Variants in DGKD observed in about 807,000 individuals in gnomAD.
The protein encoded by DGKD is diacylglycerol kinase delta, also known as DAG kinase delta.
A neutral mutation model predicts 154.4 loss-of-function variants in DGKD; 68 were observed. That is an observed-to-expected ratio of 0.44 (90% CI 0.36 to 0.54). The LOEUF is 0.54. Among genes scored for constraint, DGKD ranks in the 20% least tolerant of loss-of-function variants. The probability of loss-of-function intolerance (pLI) is 0.00; values close to 1 mark genes in which losing one functional copy is unlikely to be tolerated. For synonymous variants in DGKD, 693 were observed against 638.0 expected (o/e 1.09, Z -1.30); for missense variants, 1,343 against 1,593.6 (o/e 0.84, Z 2.68).
chr2:233,383,799 C>T (rs907302156), intron 1 of DGKD, among the ~76,000 whole-genome samples: 1 of 152,158 alleles, frequency 6.6e-6, no homozygotes, highest in Non-Finnish European at 1.5e-5. Flanking sequence ...CCAAATTCCG[C>T]TTCTCTTAAT....
intron 17 of DGKD, 133 bp from the exon 18 acceptor site, chr2:233,451,831 A>G: frequency 2.7e-6 from 2 of 751,876 alleles, no homozygotes; most frequent in Non-Finnish European, 4.3e-6. Context: ...GGACATGGTT[A>G]TACATAATTT....
chr2:233,392,394 T>A (rs1703683055), intron 3 of DGKD: 1 of 152,240 alleles, frequency 6.6e-6, no homozygotes, highest in Non-Finnish European at 1.5e-5. Flanking sequence ...AAATTATTCT[T>A]GGTAATGTTG....
chr2:233,381,971 C>T (rs183624678), intron 1 of DGKD, among the ~76,000 whole-genome samples: 17 of 152,326 alleles, frequency 1.1e-4, no homozygotes, highest in Non-Finnish European at 2.2e-4. Context: ...CGGTGGCTCA[C>T]GCCTGTGATC....
chr2:233,449,853 A>G lies in DGKD; in HGVS notation c.1889-129A>G. On this transcript the variant is annotated intron_variant, in intron 15 of 29. Coordinates refer to ENST00000264057, the MANE Select transcript of DGKD (RefSeq NM_152879.3). This position sits in a 1 kb window ranked among gnomAD's most constrained non-coding sequence, Gnocchi z 5.3. The stretch of plus-strand genomic sequence containing the variant: ...GGGTGGGGGTGGGGTTTCGGAGTCC[A>G]AGCCTTTAGCCAGAGGTTGTTTGAG... 2 of 1,195,302 alleles carry G rather than the reference A, an allele frequency of 1.7e-6. No homozygotes were observed. The highest frequency in any genetic ancestry group is 3.1e-5 in the Admixed American group (1 of 32,398). 74.0% of individuals were successfully genotyped at this position (1,195,302 alleles called of 1,614,324 possible).
At chr2:233,466,126 A>G (rs978303302) in intron 27 of DGKD, among the ~76,000 whole-genome samples, 1 of 151,914 alleles carries the variant, frequency 6.6e-6, no homozygotes, top group Non-Finnish European at 1.5e-5. Context: ...ACTGTGCTCC[A>G]AGCAATGGTC....
rs1374116045 is a variant in DGKD at position 233,460,248 on chromosome 2, C to T, written c.2884C>T (p.Arg962Cys). 2.9e-5 allele frequency: 47 copies of T among 1,613,840 alleles called. 1 individual carries two copies. The highest frequency in any genetic ancestry group is 5.3e-5 in the African/African-American group (4 of 74,858). ...AGACAAGCAGAAGTGCGAGCTGCCC[C>T]GCCCTCCATCCTGTTCCCTGCACCC... ...WEDKQKCELPRPPSCSLHPEM... is the reference protein window; with the variant it reads ...WEDKQKCELPCPPSCSLHPEM... Residue 962 changes from arginine (R) to cysteine (C), a missense_variant, in exon 24 of 30, where the codon CGC (arginine) becomes TGC (cysteine). Arg to Cys is a radical substitution (Grantham distance 180, BLOSUM62 -3). Coordinates refer to ENST00000264057, the MANE Select transcript of DGKD (RefSeq NM_152879.3).
Position 233,469,485 on chromosome 2 carries a change from T to C in DGKD, c.*25T>C. ...GCCTCTGTCCTCTCAGCCTGTGGCC[T>C]CCACATCCCCGCCGCCGAGGCCTAG... On this transcript the variant is annotated 3_prime_UTR_variant, in exon 30 of 30. Coordinates refer to ENST00000264057, the MANE Select transcript of DGKD (RefSeq NM_152879.3). The C allele has an allele frequency of 6.4e-7, 1 of 1,569,982 alleles. No homozygotes were observed. Among genetic ancestry groups the C allele is most frequent in the Non-Finnish European group, 8.6e-7 (1 of 1,156,780 alleles).
At chr2:233,466,413 T>G (rs1044843219) in intron 27 of DGKD, among the ~76,000 whole-genome samples, 9 of 152,282 alleles carry the variant, frequency 5.9e-5, no homozygotes, top group African/African-American at 2.2e-4. Flanking sequence ...CTTTAGTAAT[T>G]CTTTTTATCT....
chr2:233,354,808 C>T lies in DGKD; in HGVS notation c.156+134C>T. 5.5e-6 allele frequency: 2 copies of T among 360,870 alleles called. No individual in the cohort carries two copies. Among genetic ancestry groups the T allele is most frequent in the Non-Finnish European group, 7.6e-6 (2 of 262,080 alleles). 22.4% of individuals were successfully genotyped at this position (360,870 alleles called of 1,614,324 possible). A position where few individuals can be genotyped will look rare whatever the true frequency, so the allele number is the denominator to read the frequency against. ...CCGGGGTCCCGCGGGCGTCACCGCC[C>T]CTGTCGAGCGTGCCCCGCCGCTGTA... On this transcript the variant is annotated intron_variant, in intron 1 of 29. Coordinates refer to ENST00000264057, the MANE Select transcript of DGKD (RefSeq NM_152879.3). The surrounding 1 kb of genome is among the most constrained non-coding windows in gnomAD (Gnocchi z 4.8).
intron 18 of DGKD, chr2:233,454,409 T>C (rs1422046633): frequency 6.3e-6 from 3 of 475,150 alleles, no homozygotes; most frequent in Non-Finnish European, 1.3e-5. Flanking sequence ...TCCTGTGAAC[T>C]GCCTAGAAGA....
At chr2:233,374,860 T>A (rs1291686574) in intron 1 of DGKD, among the ~76,000 whole-genome samples, 1 of 149,646 alleles carries the variant, frequency 6.7e-6, no homozygotes, top group South Asian at 2.1e-4. Context: ...AGGGATACTT[T>A]ACTATGCTAT....
At chr2:233,415,337 G>A (rs2061934565) in intron 3 of DGKD, among the ~76,000 whole-genome samples, 1 of 152,234 alleles carries the variant, frequency 6.6e-6, no homozygotes, top group Non-Finnish European at 1.5e-5. Flanking sequence ...TGAGATGCCT[G>A]CAGCAAGTGC....
chr2:233,396,929 GGGGGGGCCAGAGCGAGAGGACAC>G (rs1704088240), intron 3 of DGKD, among the ~76,000 whole-genome samples: 3 of 129,290 alleles, frequency 2.3e-5, no homozygotes, highest in African/African-American at 5.9e-5. Flanking sequence ...AGCGTGGCTG[GGGGGGGCCAGAGCGAGAGGACAC>G]CAGAGGGGAC....
intron 1 of DGKD, among the ~76,000 whole-genome samples, chr2:233,374,633 C>A (rs1014651246): frequency 1.3e-5 from 2 of 151,482 alleles, no homozygotes; most frequent in Non-Finnish European, 2.9e-5. Flanking sequence ...TAGCACCTGA[C>A]AATTTTATTT....
chr2:233,362,544 G>A (rs956007249), intron 1 of DGKD, among the ~76,000 whole-genome samples: 3 of 152,122 alleles, frequency 2.0e-5, no homozygotes, highest in East Asian at 1.9e-4. Flanking sequence ...CCAGCTACTC[G>A]GGAGGCTGAG....
chr2:233,460,706 T>C (rs971273160), intron 24 of DGKD, among the ~76,000 whole-genome samples: 22 of 152,154 alleles, frequency 1.4e-4, no homozygotes, highest in African/African-American at 3.9e-4. Context: ...CTGGCTAACA[T>C]GGTGAAACCC....
chr2:233,356,452 T>G (rs1209474186), intron 1 of DGKD, among the ~76,000 whole-genome samples: 1 of 152,162 alleles, frequency 6.6e-6, no homozygotes, highest in East Asian at 1.9e-4. Context: ...TGATAGGAGT[T>G]GCTTTCTCCT....
At chr2:233,371,722 G>A (rs557306095) in intron 1 of DGKD, among the ~76,000 whole-genome samples, 14 of 152,292 alleles carry the variant, frequency 9.2e-5, no homozygotes, top group African/African-American at 3.1e-4. Context: ...TGTGGTGTGA[G>A]GTCAGGTTCC....
chr2:233,401,993 G>A (rs933631523), intron 3 of DGKD, among the ~76,000 whole-genome samples: 1 of 141,944 alleles, frequency 7.0e-6, no homozygotes, highest in African/African-American at 2.6e-5. Context: ...CTTACCTAAT[G>A]AAGTTCAGGG....
Sources: gnomAD v4.1 joint callset for allele counts (sites outside exome capture counted in the v4.1 genomes callset) on GRCh38, gnomAD v4.1.1 for gene constraint, Gnocchi (gnomAD v3.1) non-coding constraint, MANE v1.5 for transcripts, NCBI Gene and HGNC (gene_info 2026-07-23, HGNC 2026-07-21) for gene names.